The following ATP7B variants were observed in gnomAD, a reference collection of about 807,000 sequenced individuals.
ATP7B encodes copper-transporting ATPase 2.
A neutral mutation model predicts 118.9 loss-of-function variants in ATP7B; 113 were observed. That is an observed-to-expected ratio of 0.95 (90% CI 0.82 to 1.11). The LOEUF is 1.11. Among genes scored for constraint, ATP7B ranks in the 50% most tolerant of loss-of-function variants. ATP7B has a pLI of 0.00. For synonymous variants in ATP7B, 777 were observed against 727.4 expected (o/e 1.07, Z -1.10); for missense variants, 1,867 against 1,871.4 (o/e 1.00, Z 0.04).
chr13:52,009,415 T>G (rs1953921169), intron 1 of ATP7B, among the ~76,000 whole-genome samples: 1 of 152,222 alleles, frequency 6.6e-6, no homozygotes, highest in African/African-American at 2.4e-5. Flanking sequence ...AGGTTTCATC[T>G]ACATAAGACC....
At chr13:52,012,007 G>C, upstream of ATP7B, 1 of 352,928 alleles carries the variant, frequency 2.8e-6, no homozygotes, top group South Asian at 2.6e-5. Flanking sequence ...CGCGGCAAGA[G>C]TGAACTCCGC....
At position 51,937,581 on chromosome 13, in the gene ATP7B, C is replaced by T. The variant is rs1048771325; in HGVS notation, c.3798G>A (p.Gly1266=). 6.2e-6 allele frequency: 10 copies of T among 1,614,166 alleles called. No homozygotes were observed. Among genetic ancestry groups the T allele is most frequent in the African/African-American group, 1.3e-5 (1 of 74,958 alleles). Residue 1266 remains glycine, a synonymous_variant, in exon 18 of 21, where the codon GGG becomes GGA. Transcript: ENST00000242839. ...AGGCCGGGGAGTCATTGACCCCATC[C>T]CCCACCATGGCGACTTTCTTCCCTT... is the stretch of plus-strand genomic sequence containing the variant. The part of the protein sequence containing the change: ...QNKGKKVAMV[G]DGVNDSPALA...
rs755406059 is a variant in ATP7B, at chr13:51,934,966, C to T, written c.4188G>A (p.Thr1396=). ...CTATGTGCACACTGACCTGGGATGC[C>T]GTCAGGGGCTTCATGTGGCCATGCG... The part of the protein sequence containing the change: ...AQAHGHMKPL[T]ASQVSVHIGM... Residue 1396 remains threonine (T), a synonymous_variant, in exon 21 of 21, where the codon ACG becomes ACA. Coordinates refer to ENST00000242839, the MANE Select transcript of ATP7B (RefSeq NM_000053.4). 10 of 1,613,908 alleles carry T rather than the reference C, an allele frequency of 6.2e-6. No homozygotes were observed. In the South Asian group the frequency reaches 7.7e-5, roughly 12 times the overall value.
chr13:51,967,424 G>C (rs1046152193), intron 4 of ATP7B, among the ~76,000 whole-genome samples: 9 of 152,186 alleles, frequency 5.9e-5, no homozygotes, highest in Admixed American at 5.2e-4. Context: ...TCTTGCTTTA[G>C]ATTTTCCACA....
In ATP7B at chr13:51,939,161, C is replaced by T. The variant is rs758025913; in HGVS notation, c.3589G>A (p.Ala1197Thr). ...VLCGMIAIAD[A>T]VKQEAALAVH... ...GCCAGGGCAGCCTCCTGCTTGACAG[C>T]GTCTGCGATTGCGATCATCCCACAG... Residue 1197 changes from alanine (A) to threonine (T), a missense_variant, in exon 17 of 21, where the codon GCT becomes ACT. Coordinates refer to ENST00000242839, the MANE Select transcript of ATP7B (RefSeq NM_000053.4). 1.9e-5 allele frequency: 31 copies of T among 1,613,934 alleles called. No homozygotes were observed. The highest frequency in any genetic ancestry group is 8.0e-5 in the African/African-American group (6 of 74,942).
At chr13:51,992,283 C>T (rs981275667) in intron 1 of ATP7B, among the ~76,000 whole-genome samples, 6 of 152,172 alleles carry the variant, frequency 3.9e-5, no homozygotes, top group African/African-American at 1.4e-4. Flanking sequence ...AGCAGTTTTC[C>T]AATACTTTCA....
At chr13:51,990,724 T>C (rs189890987) in intron 1 of ATP7B, among the ~76,000 whole-genome samples, 14 of 152,376 alleles carry the variant, frequency 9.2e-5, no homozygotes, top group African/African-American at 3.1e-4. Context: ...ACTTCATTTA[T>C]TGTTTTTCCT....
At chr13:51,949,866 A>G in intron 11 of ATP7B, 70 bp from the exon 12 acceptor site, 1 of 1,612,076 alleles carries the variant, frequency 6.2e-7, no homozygotes. Flanking sequence ...ACAAGCATGG[A>G]TAAAGATTGG....
chr13:51,970,646 A>G lies in ATP7B; in HGVS notation c.1389T>C (p.Thr463=), dbSNP rs1355925979. The G allele has an allele frequency of 6.2e-7, 1 of 1,614,046 alleles. No individual in the cohort carries two copies. The highest frequency in any genetic ancestry group is 8.5e-7 in the Non-Finnish European group (1 of 1,180,020). Residue 463 remains threonine, a synonymous_variant, in exon 3 of 21, where the codon ACT becomes ACC. Coordinates refer to ENST00000242839, the MANE Select transcript of ATP7B (RefSeq NM_000053.4). ...GGGCATGGTTTGCAGGGAGCCTCCC[A>G]GTGTGGGGAGCCACTTCCTGCACAG... ...PTSVQEVAPH[T]GRLPANHAPD... is the part of the protein sequence containing the mutation.
intron 1 of ATP7B, among the ~76,000 whole-genome samples, chr13:51,977,945 C>T (rs1471232028): frequency 6.6e-6 from 1 of 152,140 alleles, no homozygotes; most frequent in Admixed American, 6.5e-5. Flanking sequence ...AATGACTAGC[C>T]ACCTCGGACA....
intron 6 of ATP7B, among the ~76,000 whole-genome samples, chr13:51,961,292 C>CT (rs1958725113): frequency 6.6e-6 from 1 of 151,902 alleles, no homozygotes; most frequent in Non-Finnish European, 1.5e-5. Context: ...TAGCACACTG[C>CT]CCTGCACACA....
At chr13:51,960,046 T>C (rs1958627278) in intron 7 of ATP7B, 102 bp downstream of exon 7, 4 of 1,473,620 alleles carry the variant, frequency 2.7e-6, no homozygotes, top group South Asian at 2.3e-5. Context: ...TAAAGTGCCA[T>C]TTAAACCAAG....
At chr13:52,009,562 CCTTT>C (rs1412824249) in intron 1 of ATP7B, among the ~76,000 whole-genome samples, 1 of 152,206 alleles carries the variant, frequency 6.6e-6, no homozygotes, top group African/African-American at 2.4e-5. Flanking sequence ...ACCTTGCCTT[CCTTT>C]GAGATCTTAT....
intron 13 of ATP7B, 31 bp from the exon 14 acceptor site, chr13:51,944,322 C>T (rs761817639): frequency 6.2e-7 from 1 of 1,612,950 alleles, no homozygotes; most frequent in Non-Finnish European, 8.5e-7. Flanking sequence ...TCACTGACCA[C>T]AATACAGATG....
chr13:51,950,596 G>A (rs1957937770), intron 9 of ATP7B, among the ~76,000 whole-genome samples, 197 bp from the exon 10 acceptor site: 2 of 152,192 alleles, frequency 1.3e-5, no homozygotes, highest in African/African-American at 4.8e-5. Flanking sequence ...ATACAGCTGT[G>A]AATGGCACAG....
At chr13:51,996,756 G>T (rs1006836544) in intron 1 of ATP7B, among the ~76,000 whole-genome samples, 3 of 152,202 alleles carry the variant, frequency 2.0e-5, no homozygotes, top group African/African-American at 4.8e-5. Context: ...GCTGGTCCAT[G>T]CACCAAAGCC....
At chr13:51,958,118 T>G in intron 8 of ATP7B, 193 bp downstream of exon 8, 1 of 647,302 alleles carries the variant, frequency 1.5e-6, no homozygotes, top group Non-Finnish European at 2.7e-6. Context: ...TTAACCAGAT[T>G]AGCTGGGATT....
chr13:51,990,066 TTAAG>T (rs1952835911), intron 1 of ATP7B, among the ~76,000 whole-genome samples: 1 of 151,928 alleles, frequency 6.6e-6, no homozygotes, highest in African/African-American at 2.4e-5. Flanking sequence ...AAAAGAAATA[TTAAG>T]TATCTAATAA....
Position 51,974,165 on chromosome 13 carries a change from T to C in ATP7B, c.1055A>G (p.Asn352Ser). The C allele has an allele frequency of 6.2e-7, 1 of 1,613,972 alleles. No individual in the cohort carries two copies. Among genetic ancestry groups the C allele is most frequent in the Non-Finnish European group, 8.5e-7 (1 of 1,179,996 alleles). ...SSHSPGSPPR[N>S]QVQGTCSTTL... ...GGTACTGCATGTGCCCTGGACCTGG[T>C]TTCTCGGTGGGGAGCCAGGGGAATG... The change falls in exon 2 of 21, where the codon AAC (asparagine) becomes AGC (serine). Residue 352 changes from asparagine to serine, a missense_variant. Transcript: ENST00000242839.
Sources: allele counts gnomAD v4.1 joint callset (sites outside exome capture counted in the v4.1 genomes callset), GRCh38; gene constraint gnomAD v4.1.1; transcripts MANE v1.5; gene names NCBI Gene and HGNC (gene_info 2026-07-23, HGNC 2026-07-21).